Variants in FAM76B observed in about 807,000 individuals in gnomAD.
FAM76B encodes protein FAM76B.
A neutral mutation model predicts 51.8 loss-of-function variants in FAM76B; 16 were observed. That is an observed-to-expected ratio of 0.31 (90% CI 0.21 to 0.47). FAM76B has a LOEUF of 0.47. FAM76B is among the 20% of genes least tolerant of loss of function. The pLI, the probability that FAM76B is intolerant of heterozygous loss-of-function variation, is 1.00. For synonymous variants in FAM76B, 166 were observed against 129.5 expected (o/e 1.28, Z -1.91); for missense variants, 342 against 392.6 (o/e 0.87, Z 1.09).
intron 9 of FAM76B, among the ~76,000 whole-genome samples, chr11:95,771,925 G>A (rs1859784818): frequency 6.6e-6 from 1 of 151,018 alleles, no homozygotes; most frequent in South Asian, 2.1e-4. Context: ...AGGAAACAAA[G>A]TGAATCCACT....
rs1457247400 is a variant in FAM76B, at chr11:95,770,903, CAGT to C, written c.*655_*657del. 6.6e-6 allele frequency: 1 copy of C among 151,656 alleles called. No homozygotes were observed. Among genetic ancestry groups the C allele is most frequent in the Non-Finnish European group, 1.5e-5 (1 of 67,408 alleles). The allele number at this position is 151,656 out of a possible 1,614,324, so 9.4% of individuals were successfully genotyped here. A position where few individuals can be genotyped will look rare whatever the true frequency, so the allele number is the denominator to read the frequency against. On this transcript the variant is annotated 3_prime_UTR_variant, in exon 10 of 10. Coordinates refer to ENST00000358780, the MANE Select transcript of FAM76B (RefSeq NM_144664.5). ...AAAGGCACTTGTAAGTAAAAATCTA[CAGT>C]AGTTTTTACAAAACAGAAACACATT...
intron 4 of FAM76B, 48 bp downstream of exon 4, chr11:95,786,071 G>C (rs370372757): frequency 4.5e-6 from 7 of 1,571,960 alleles, no homozygotes; most frequent in Non-Finnish European, 4.3e-6. Flanking sequence ...AACTTGTTTG[G>C]CATTTTATTT....
At chr11:95,786,954 A>G (rs1223936647) in intron 3 of FAM76B, 3 of 152,236 alleles carry the variant, frequency 2.0e-5, no homozygotes, top group Admixed American at 6.6e-5. Flanking sequence ...CTGTGAATAA[A>G]TATCTTTAAT....
At chr11:95,775,043 C>T (rs1327327822) in intron 9 of FAM76B, among the ~76,000 whole-genome samples, 1 of 151,188 alleles carries the variant, frequency 6.6e-6, no homozygotes, top group Non-Finnish European at 1.5e-5. Flanking sequence ...GTATTAACTC[C>T]TTCCTTCTGA....
intron 1 of FAM76B, 56 bp downstream of exon 1, chr11:95,789,336 C>T: frequency 2.0e-6 from 3 of 1,528,840 alleles, no homozygotes; most frequent in Non-Finnish European, 2.7e-6. Flanking sequence ...GCTACCCGGC[C>T]CCCTCCGGCT....
intron 3 of FAM76B, 125 bp from the exon 4 acceptor site, chr11:95,786,399 A>G: frequency 1.8e-6 from 2 of 1,104,248 alleles, no homozygotes; most frequent in Middle Eastern, 2.5e-4. Flanking sequence ...TTTTCTGTCA[A>G]GTTTGTTGCC....
intron 2 of FAM76B, 85 bp from the exon 3 acceptor site, chr11:95,787,763 T>G (rs1860681254): frequency 8.5e-7 from 1 of 1,176,230 alleles, no homozygotes; most frequent in Non-Finnish European, 1.2e-6. Flanking sequence ...AGTCAAAGAT[T>G]TGTTGTACTT....
At position 95,786,098 on chromosome 11, in the gene FAM76B, CA is replaced by C. The variant is rs1565295802; in HGVS notation, c.363+20del. ...ATTTTATTTAATTTCCAGAAGATGT[CA>C]TAACATAAATAAAGCATACCTTTCT... is the stretch of plus-strand genomic sequence containing the variant. On this transcript the variant is annotated intron_variant, in intron 4 of 9. Transcript: ENST00000358780. 1 of 1,585,194 alleles carries C rather than the reference CA, an allele frequency of 6.3e-7. No homozygotes were observed. Among genetic ancestry groups the C allele is most frequent in the Non-Finnish European group, 8.6e-7 (1 of 1,163,632 alleles).
chr11:95,783,301 T>C (rs764228549), intron 4 of FAM76B, 37 bp from the exon 5 acceptor site: 3 of 1,588,564 alleles, frequency 1.9e-6, no homozygotes, highest in Admixed American at 1.7e-5. Flanking sequence ...TGTACCCATA[T>C]AAACTGGCTG....
Position 95,771,520 on chromosome 11 carries a change from A to G in FAM76B, c.*41T>C. ...GGGCTTCACAGAATTTTTTTTCCCC[A>G]AATTTACATTGTAAGAAGAAATGCT... On this transcript the variant is annotated 3_prime_UTR_variant, in exon 10 of 10. Transcript: ENST00000358780. 1 of 1,551,078 alleles carries G rather than the reference A, an allele frequency of 6.4e-7. No individual in the cohort carries two copies. Among genetic ancestry groups the G allele is most frequent in the Non-Finnish European group, 8.8e-7 (1 of 1,133,722 alleles).
At chr11:95,788,630 A>C (rs1860750392) in intron 1 of FAM76B, 67 bp from the exon 2 acceptor site, 2 of 1,490,668 alleles carry the variant, frequency 1.3e-6, no homozygotes, top group African/African-American at 1.4e-5. Flanking sequence ...TCTGGTAGAA[A>C]ACTGTTTACC....
chr11:95,785,341 T>C (rs61902247), intron 4 of FAM76B, among the ~76,000 whole-genome samples: 9,891 of 152,256 alleles, frequency 0.065, 410 homozygotes, highest in Middle Eastern at 0.13. Context: ...TTCACTGTTT[T>C]GTGGGAACTT....
chr11:95,779,280 A>G, intron 7 of FAM76B: 2 of 637,790 alleles, frequency 3.1e-6, no homozygotes, highest in East Asian at 3.6e-5. Flanking sequence ...TTTAATCTAA[A>G]AACATTTTCT....
Position 95,769,023 on chromosome 11 carries a change from G to C in FAM76B, c.*2538C>G, listed in dbSNP as rs1315101604. The C allele has an allele frequency of 6.6e-6, 1 of 152,384 alleles. No individual in the cohort carries two copies. The highest frequency in any genetic ancestry group is 1.5e-5 in the Non-Finnish European group (1 of 67,902). The allele number at this position is 152,384 out of a possible 1,614,324, so 9.4% of individuals were successfully genotyped here. ...GTACAAAATGTCAACAGTCAGATGT[G>C]TACAAGTACAGTATTTCAATAGTCT... is the stretch of plus-strand genomic sequence containing the variant. On this transcript the variant is annotated 3_prime_UTR_variant, in exon 10 of 10. Transcript: ENST00000358780.
chr11:95,773,417 T>C (rs1485755005), intron 9 of FAM76B, among the ~76,000 whole-genome samples: 2 of 139,802 alleles, frequency 1.4e-5, no homozygotes, highest in Non-Finnish European at 3.1e-5. Context: ...TATGTACATT[T>C]AAATTGTTTT....
rs1416405757 is a variant in FAM76B at position 95,775,937 on chromosome 11, A to G, written c.915T>C (p.Thr305=). The G allele has an allele frequency of 6.3e-7, 1 of 1,581,194 alleles. No homozygotes were observed. The highest frequency in any genetic ancestry group is 1.8e-5 in the Admixed American group (1 of 54,952). ...TGGTAGTTACCTGAAGTTGTTCCAC[A>G]GTTTCTTTGTGGGCTTTTTCCATAC... ...MNSMEKAHKE[T]VEQLQAKNRE... is the part of the protein sequence containing the mutation. Residue 305 remains threonine, a synonymous_variant, in exon 9 of 10, where the codon ACT becomes ACC. Coordinates refer to ENST00000358780, the MANE Select transcript of FAM76B (RefSeq NM_144664.5).
intron 8 of FAM76B, 28 bp downstream of exon 8, chr11:95,778,794 A>C: frequency 1.9e-6 from 3 of 1,572,152 alleles, no homozygotes; most frequent in Non-Finnish European, 2.6e-6. Flanking sequence ...CATAACTCTT[A>C]CCAGGCTTCA....
chr11:95,785,096 C>T (rs1368720752), intron 4 of FAM76B, among the ~76,000 whole-genome samples: 2 of 152,160 alleles, frequency 1.3e-5, no homozygotes, highest in Admixed American at 1.3e-4. Flanking sequence ...ATACAATACA[C>T]TATTCTAAGG....
Position 95,789,440 on chromosome 11 carries a change from G to T in FAM76B, c.39C>A (p.Thr13=). The part of the protein sequence containing the change: ...ASALYACTKC[T]QRYPFEELSQ... ...AGAGCTCCTCGAAAGGATAACGCTG[G>T]GTACACTTGGTGCAGGCGTACAGGG... Residue 13 remains threonine, a synonymous_variant, in exon 1 of 10, where the codon ACC becomes ACA. Coordinates refer to ENST00000358780, the MANE Select transcript of FAM76B (RefSeq NM_144664.5). The T allele has an allele frequency of 1.9e-6, 3 of 1,609,880 alleles. No individual in the cohort carries two copies. The highest frequency in any genetic ancestry group is 2.5e-6 in the Non-Finnish European group (3 of 1,178,294).
Sources: allele counts gnomAD v4.1 joint callset (sites outside exome capture counted in the v4.1 genomes callset), GRCh38; gene constraint gnomAD v4.1.1; transcripts MANE v1.5; gene names NCBI Gene and HGNC (gene_info 2026-07-23, HGNC 2026-07-21).